Variants in TTC7B observed in about 807,000 individuals in gnomAD.
The protein encoded by TTC7B is tetratricopeptide repeat protein 7B.
In TTC7B, 28 loss-of-function variants were observed where a neutral mutation model predicts 106.8. The ratio of observed to expected loss-of-function variants is 0.26; its 90% CI spans 0.19 to 0.36. The LOEUF (loss-of-function observed/expected upper bound fraction) is 0.36. Among genes scored for constraint, TTC7B ranks in the 10% least tolerant of loss-of-function variants. The pLI is 1.00. For missense variants in TTC7B, 862 were observed against 1,076.4 expected (o/e 0.80, Z 2.79); for synonymous variants, 405 against 430.6 (o/e 0.94, Z 0.74).
chr14:90,779,861 C>T (rs1048978860), intron 3 of TTC7B, among the ~76,000 whole-genome samples: 1 of 152,188 alleles, frequency 6.6e-6, no homozygotes, highest in African/African-American at 2.4e-5. Context: ...GATATTTACA[C>T]GTTCTTCTTG....
intron 19 of TTC7B, among the ~76,000 whole-genome samples, chr14:90,548,256 T>C (rs1262946019): frequency 6.6e-6 from 1 of 152,202 alleles, no homozygotes; most frequent in African/African-American, 2.4e-5. Context: ...CCAGGGCCAC[T>C]GATGGGTAGG....
chr14:90,728,901 T>C (rs1595328741), intron 5 of TTC7B, among the ~76,000 whole-genome samples: 1 of 152,238 alleles, frequency 6.6e-6, no homozygotes. Context: ...AAATATTCCA[T>C]GTTCCCTCTC....
At chr14:90,712,894 A>C (rs896749579) in intron 5 of TTC7B, among the ~76,000 whole-genome samples, 11 of 152,200 alleles carry the variant, frequency 7.2e-5, no homozygotes, top group African/African-American at 2.4e-4. Context: ...TATATTCAAG[A>C]CAGTGTGGTA....
intron 15 of TTC7B, among the ~76,000 whole-genome samples, chr14:90,635,862 G>A (rs1167781221): frequency 1.3e-5 from 2 of 151,854 alleles, no homozygotes; most frequent in South Asian, 2.1e-4. Context: ...GCTCACGTCT[G>A]TAATCCCAGC....
At chr14:90,778,920 C>T (rs904207416) in intron 3 of TTC7B, among the ~76,000 whole-genome samples, 3 of 152,230 alleles carry the variant, frequency 2.0e-5, no homozygotes, top group African/African-American at 7.2e-5. Context: ...AAGTGTGCCC[C>T]GGGCTGGGTC....
rs1424657460 is a variant in TTC7B at position 90,527,291 on chromosome 14, T to G, written c.*14077A>C. 1 of 152,054 alleles carries G rather than the reference T, an allele frequency of 6.6e-6. No individual in the cohort carries two copies. Among genetic ancestry groups the G allele is most frequent in the Non-Finnish European group, 1.5e-5 (1 of 68,020 alleles). 9.4% of individuals were successfully genotyped at this position (152,054 alleles called of 1,614,324 possible). On this transcript the variant is annotated 3_prime_UTR_variant, in exon 20 of 20. Transcript: ENST00000328459. ...ACTATTTTTCCTATTTCCACATCCT[T>G]CTCTCTGAATGCAAGTCACCAAGTC...
intron 18 of TTC7B, among the ~76,000 whole-genome samples, chr14:90,591,776 T>C (rs866630231): frequency 5.3e-5 from 8 of 152,226 alleles, no homozygotes; most frequent in Admixed American, 1.3e-4. Flanking sequence ...TCTGTAGTTG[T>C]TGTTCATGGG....
chr14:90,541,212 G>T lies in TTC7B; in HGVS notation c.*156C>A. On this transcript the variant is annotated 3_prime_UTR_variant, in exon 20 of 20. Transcript: ENST00000328459. ...GAGAAACGCACATGGCGAGAGCGAT[G>T]ATTCGGGGTTGGTTTGGTTGGTTCA... 1.7e-6 allele frequency: 1 copy of T among 573,576 alleles called. No homozygotes were observed. Among genetic ancestry groups the T allele is most frequent in the Non-Finnish European group, 2.9e-6 (1 of 342,390 alleles). 35.5% of individuals were successfully genotyped at this position (573,576 alleles called of 1,614,324 possible). A position where few individuals can be genotyped will look rare whatever the true frequency, so the allele number is the denominator to read the frequency against.
chr14:90,791,769 G>A (rs1891594371), intron 1 of TTC7B, among the ~76,000 whole-genome samples: 1 of 152,076 alleles, frequency 6.6e-6, no homozygotes, highest in South Asian at 2.1e-4. Flanking sequence ...ACCTATTGAG[G>A]ATGAGCAGAG....
intron 8 of TTC7B, 55 bp downstream of exon 8, chr14:90,680,417 A>G (rs1453116832): frequency 2.1e-6 from 3 of 1,403,158 alleles, no homozygotes; most frequent in South Asian, 1.2e-5. Context: ...GGCTATATCA[A>G]AAAAGGGTCT....
At chr14:90,706,161 ATTTTTT>A (rs59137630) in intron 5 of TTC7B, among the ~76,000 whole-genome samples, 646 of 128,456 alleles carry the variant, frequency 5.0e-3, no homozygotes, top group African/African-American at 0.014. Flanking sequence ...AGCTGGAATA[ATTTTTT>A]TTTTTTTTTT....
intron 6 of TTC7B, among the ~76,000 whole-genome samples, 182 bp from the exon 7 acceptor site, chr14:90,689,894 A>G (rs188458258): frequency 1.3e-5 from 2 of 152,372 alleles, no homozygotes; most frequent in East Asian, 3.9e-4. Context: ...AAAAGAAAAT[A>G]TGATTCACTA....
intron 5 of TTC7B, among the ~76,000 whole-genome samples, chr14:90,712,962 C>T (rs1430100838): frequency 6.6e-6 from 1 of 152,066 alleles, no homozygotes; most frequent in African/African-American, 2.4e-5. Context: ...CAGAAACAAA[C>T]CTTTATGTTT....
At chr14:90,591,893 A>C (rs1032558462) in intron 18 of TTC7B, among the ~76,000 whole-genome samples, 1 of 152,200 alleles carries the variant, frequency 6.6e-6, no homozygotes, top group Non-Finnish European at 1.5e-5. Flanking sequence ...TCAGAGCCAG[A>C]ATGTCTGGGA....
At chr14:90,616,475 C>T (rs541615369) in intron 16 of TTC7B, among the ~76,000 whole-genome samples, 4 of 149,776 alleles carry the variant, frequency 2.7e-5, no homozygotes, top group East Asian at 4.0e-4. Flanking sequence ...AGCGCCGCGC[C>T]GCTGTTCCTG....
intron 9 of TTC7B, among the ~76,000 whole-genome samples, chr14:90,662,510 C>G (rs1886250413): frequency 6.6e-6 from 1 of 152,196 alleles, no homozygotes; most frequent in South Asian, 2.1e-4. Context: ...CCTTCCAGCC[C>G]CCAACAAGTT....
chr14:90,610,746 C>T lies in TTC7B; in HGVS notation c.1962G>A (p.Glu654=). ...CCTCTGGCTTTTTATTCTCACCTGT[C>T]TCGGGATCGCTGAAGTCTGGCAAAG... ...TITLPDFSDP[E]TGSVHATSVA... Residue 654 remains glutamate, a synonymous_variant, in exon 17 of 20, where the codon GAG becomes GAA. Coordinates refer to ENST00000328459, the MANE Select transcript of TTC7B (RefSeq NM_001010854.2). The T allele has an allele frequency of 6.2e-7, 1 of 1,612,140 alleles. No homozygotes were observed. Among genetic ancestry groups the T allele is most frequent in the Middle Eastern group, 1.7e-4 (1 of 6,060 alleles).
At chr14:90,592,867 T>A (rs967634470) in intron 18 of TTC7B, among the ~76,000 whole-genome samples, 1 of 152,088 alleles carries the variant, frequency 6.6e-6, no homozygotes, top group Admixed American at 6.5e-5. Context: ...TGTCTCTCTA[T>A]GAAATTACAG....
chr14:90,578,399 G>T lies in TTC7B; in HGVS notation c.2108-91C>A. 7.2e-7 allele frequency: 1 copy of T among 1,387,078 alleles called. No individual in the cohort carries two copies. The allele number at this position is 1,387,078 out of a possible 1,614,324, so 85.9% of individuals were successfully genotyped here. A position where few individuals can be genotyped will look rare whatever the true frequency, so the allele number is the denominator to read the frequency against. Reference sequence around the variant, plus strand: ...ACTCTGATGTTCGTGTTCCCTGCACGGGAGTCTGGCGGGGCGCAGAGCCAG... The same window carrying T: ...ACTCTGATGTTCGTGTTCCCTGCACTGGAGTCTGGCGGGGCGCAGAGCCAG... On this transcript the variant is annotated intron_variant, in intron 18 of 19. Coordinates refer to ENST00000328459, the MANE Select transcript of TTC7B (RefSeq NM_001010854.2). This position sits in a 1 kb window ranked among gnomAD's most constrained non-coding sequence, Gnocchi z 4.7.
Sources: gnomAD v4.1 joint callset for allele counts (sites outside exome capture counted in the v4.1 genomes callset) on GRCh38, gnomAD v4.1.1 for gene constraint, Gnocchi (gnomAD v3.1) non-coding constraint, MANE v1.5 for transcripts, NCBI Gene and HGNC (gene_info 2026-07-23, HGNC 2026-07-21) for gene names.